PPM1H: variants seen among roughly 807,000 people sequenced by gnomAD.
The protein encoded by PPM1H is protein phosphatase, Mg2+/Mn2+ dependent 1H.
In PPM1H, 27 loss-of-function variants were observed where a neutral mutation model predicts 54.9. The ratio of observed to expected loss-of-function variants is 0.49; its 90% CI spans 0.36 to 0.68. PPM1H has a LOEUF of 0.68. PPM1H is among the 30% of genes least tolerant of loss of function. PPM1H has a pLI of 0.00. For missense variants in PPM1H, 596 were observed against 667.8 expected (o/e 0.89, Z 1.19); for synonymous variants, 305 against 270.8 (o/e 1.13, Z -1.24).
At chr12:62,918,195 C>T (rs1279377957) in intron 1 of PPM1H, among the ~76,000 whole-genome samples, 3 of 152,168 alleles carry the variant, frequency 2.0e-5, no homozygotes, top group African/African-American at 7.2e-5. Context: ...AGGGAAAGAG[C>T]CAAGACTACC....
intron 2 of PPM1H, among the ~76,000 whole-genome samples, chr12:62,829,765 T>TA: frequency 6.6e-6 from 1 of 152,106 alleles, no homozygotes. Flanking sequence ...GACAAGAAGT[T>TA]AAAAAGTCAC....
At chr12:62,763,477 G>T (rs498359) in intron 4 of PPM1H, among the ~76,000 whole-genome samples, 53,965 of 151,848 alleles carry the variant, frequency 0.36, 9,712 homozygotes, top group Middle Eastern at 0.47. Context: ...TTGCTTTTCA[G>T]CTGTGAGACT....
At chr12:62,847,882 A>G (rs571791372) in intron 1 of PPM1H, among the ~76,000 whole-genome samples, 1 of 152,326 alleles carries the variant, frequency 6.6e-6, no homozygotes, top group East Asian at 1.9e-4. Context: ...GGGATGCGGA[A>G]GGACTCAGAA....
intron 5 of PPM1H, among the ~76,000 whole-genome samples, chr12:62,726,988 C>A (rs1306963133): frequency 6.6e-6 from 1 of 152,016 alleles, no homozygotes; most frequent in African/African-American, 2.4e-5. Context: ...GATCTTGGCT[C>A]ACTGCAACCT....
intron 9 of PPM1H, among the ~76,000 whole-genome samples, chr12:62,652,492 T>A (rs999415736): frequency 6.6e-6 from 1 of 152,262 alleles, no homozygotes; most frequent in African/African-American, 2.4e-5. Flanking sequence ...GGTAGACCTG[T>A]ACCTATATTT....
Position 62,766,431 on chromosome 12 carries a change from A to C in PPM1H, c.869+21795T>G, listed in dbSNP as rs2076543792. On this transcript the variant is annotated intron_variant, in intron 4 of 9. Coordinates refer to ENST00000228705, the MANE Select transcript of PPM1H (RefSeq NM_020700.2). ...AGGAAGGTAGGAATTAAGTTAATAC[A>C]AAAAACATGTACTGTAAGGCCCTTG... 6.8e-5 allele frequency among the ~76,000 whole-genome samples: 7 copies of C among 103,200 alleles called. No individual in the cohort carries two copies. The South Asian group carries it at 2.3e-3, about 34-fold the overall frequency. The allele number at this position is 103,200 out of a possible 152,430, so 67.7% of individuals were successfully genotyped here.
rs964722755 is a variant in PPM1H at position 62,646,978 on chromosome 12, G to A, written c.*1511C>T. On this transcript the variant is annotated 3_prime_UTR_variant, in exon 10 of 10. Coordinates refer to ENST00000228705, the MANE Select transcript of PPM1H (RefSeq NM_020700.2). ...CGTCAGTGACCTTTTTTCCTTTTTG[G>A]GTCAGAAGAGTGTTTTAATTACTCA... 1 of 152,058 alleles carries A rather than the reference G, an allele frequency of 6.6e-6. No individual in the cohort carries two copies. 9.4% of individuals were successfully genotyped at this position (152,058 alleles called of 1,614,324 possible). A position where few individuals can be genotyped will look rare whatever the true frequency, so the allele number is the denominator to read the frequency against.
chr12:62,871,481 G>A (rs1869980428), intron 1 of PPM1H, among the ~76,000 whole-genome samples: 1 of 149,968 alleles, frequency 6.7e-6, no homozygotes, highest in Admixed American at 6.7e-5. Context: ...ACAACCTTGT[G>A]AATATATTGA....
At chr12:62,664,451 CCTTT>C (rs1329528906) in intron 9 of PPM1H, among the ~76,000 whole-genome samples, 1 of 151,838 alleles carries the variant, frequency 6.6e-6, no homozygotes, top group African/African-American at 2.4e-5. Flanking sequence ...TAGAAGTTAC[CCTTT>C]CTATTATTTT....
chr12:62,914,325 A>G (rs1049193997), intron 1 of PPM1H, among the ~76,000 whole-genome samples: 3 of 152,210 alleles, frequency 2.0e-5, no homozygotes, highest in African/African-American at 4.8e-5. Context: ...CAGATGCCCA[A>G]TCTTCCAGCC....
At chr12:62,829,426 G>C (rs556863456) in intron 2 of PPM1H, among the ~76,000 whole-genome samples, 2 of 152,172 alleles carry the variant, frequency 1.3e-5, no homozygotes, top group Admixed American at 1.3e-4. Flanking sequence ...GAGATGATGA[G>C]GGTGATGGTT....
At chr12:62,764,619 C>T (rs2076530223) in intron 4 of PPM1H, among the ~76,000 whole-genome samples, 2 of 151,908 alleles carry the variant, frequency 1.3e-5, no homozygotes, top group East Asian at 1.9e-4. Context: ...TTTCTTTCAG[C>T]GTTTACTCCT....
intron 8 of PPM1H, among the ~76,000 whole-genome samples, chr12:62,686,439 C>A (rs1027577752): frequency 2.6e-5 from 4 of 152,200 alleles, no homozygotes; most frequent in Admixed American, 1.3e-4. Flanking sequence ...AGTTATCTGA[C>A]AAATGCCTCT....
chr12:62,896,982 G>C (rs959247859), intron 1 of PPM1H, among the ~76,000 whole-genome samples: 3 of 151,638 alleles, frequency 2.0e-5, no homozygotes, highest in African/African-American at 7.3e-5. Context: ...CCATCATTTT[G>C]AGCAAACTAT....
At chr12:62,790,482 G>C (rs2076696133) in intron 3 of PPM1H, among the ~76,000 whole-genome samples, 1 of 152,194 alleles carries the variant, frequency 6.6e-6, no homozygotes, top group South Asian at 2.1e-4. Context: ...TGAGGACAGA[G>C]GATCTCTTGA....
At chr12:62,906,624 TA>T (rs1390900974) in intron 1 of PPM1H, among the ~76,000 whole-genome samples, 1 of 152,000 alleles carries the variant, frequency 6.6e-6, no homozygotes, top group Non-Finnish European at 1.5e-5. Context: ...TCCAGAGGAG[TA>T]AACTGTATTT....
At position 62,782,842 on chromosome 12, in the gene PPM1H, TTTTGAGACAGGGTCTTAC is replaced by T. The variant is rs2076649957; in HGVS notation, c.869+5366_869+5383del. ...ACAACATTTATTTTTAATTTTAATT[TTTTGAGACAGGGTCTTAC>T]TCTGACACCCAGGCTGGAGTGCAGT... is the stretch of plus-strand genomic sequence containing the variant. On this transcript the variant is annotated intron_variant, in intron 4 of 9. Transcript: ENST00000228705. 2.0e-5 allele frequency among the ~76,000 whole-genome samples: 3 copies of T among 152,316 alleles called. No homozygotes were observed. The East Asian group carries it at 5.8e-4, about 29-fold the overall frequency.
chr12:62,934,715 CA>C lies in PPM1H; in HGVS notation c.21del (p.Ala8ProfsTer96), dbSNP rs1872268602. 2.5e-6 allele frequency: 4 copies of C among 1,604,090 alleles called. No homozygotes were observed. In the East Asian group the frequency reaches 9.0e-5, roughly 36 times the overall value. On this transcript the variant is annotated frameshift_variant, in exon 1 of 10. Coordinates refer to ENST00000228705, the MANE Select transcript of PPM1H (RefSeq NM_020700.2). LOFTEE classifies it high-confidence loss of function. This position sits in a 1 kb window ranked among gnomAD's most constrained non-coding sequence, Gnocchi z 4.2. The stretch of plus-strand genomic sequence containing the variant: ...ATGCCGCCCATGAAATTGGCCACGG[CA>C]GATTTCACTCGAGTGAGCATATTAC... MLTRVK[S>X]AVANFMGGIM...
chr12:62,902,093 T>C (rs1477947988), intron 1 of PPM1H, among the ~76,000 whole-genome samples: 1 of 152,124 alleles, frequency 6.6e-6, no homozygotes, highest in Non-Finnish European at 1.5e-5. Context: ...CCAGGCGCGG[T>C]GGCCCATGCC....
Sources: gnomAD v4.1 joint callset for allele counts (sites outside exome capture counted in the v4.1 genomes callset) on GRCh38, gnomAD v4.1.1 for gene constraint, Gnocchi (gnomAD v3.1) non-coding constraint, MANE v1.5 for transcripts, NCBI Gene and HGNC (gene_info 2026-07-23, HGNC 2026-07-21) for gene names.